The following DNAH3 variants were observed in gnomAD, a reference collection of about 807,000 sequenced individuals.
DNAH3 encodes the protein axonemal beta dynein heavy chain 3.
A neutral mutation model predicts 432.5 loss-of-function variants in DNAH3; 332 were observed. The observed-to-expected ratio is 0.77, with a 90% CI of 0.70 to 0.84. The LOEUF (loss-of-function observed/expected upper bound fraction) is 0.84. Among genes scored for constraint, DNAH3 ranks in the 40% least tolerant of loss-of-function variants. The probability of loss-of-function intolerance (pLI) is 0.00; values close to 1 mark genes in which losing one functional copy is unlikely to be tolerated. For missense variants in DNAH3, 4,861 were observed against 5,114.0 expected (o/e 0.95, Z 1.51); for synonymous variants, 1,956 against 1,900.2 (o/e 1.03, Z -0.76).
intron 7 of DNAH3, 42 bp from the exon 9 acceptor site, chr16:21,127,854 T>C: frequency 6.2e-7 from 1 of 1,612,060 alleles, no homozygotes. Context: ...TAAAGAACGC[T>C]TAATAACAAA....
chr16:20,974,030 G>A (rs997089783), intron 51 of DNAH3, among the ~76,000 whole-genome samples: 3 of 151,996 alleles, frequency 2.0e-5, no homozygotes, highest in Non-Finnish European at 4.4e-5. Context: ...CTTTTTGTTT[G>A]TTTGTTTTTG....
At chr16:21,001,971 C>T (rs1392214512) in intron 42 of DNAH3, among the ~76,000 whole-genome samples, 1 of 152,142 alleles carries the variant, frequency 6.6e-6, no homozygotes, top group Non-Finnish European at 1.5e-5. Context: ...ATCCCTGGAG[C>T]TCAAGTGACT....
At chr16:20,946,448 AC>A (rs549429657) in intron 57 of DNAH3, among the ~76,000 whole-genome samples, 319 of 152,176 alleles carry the variant, frequency 2.1e-3, no homozygotes, top group Non-Finnish European at 2.9e-3. Context: ...AGCCCTGACC[AC>A]CTGGGGCACA....
At chr16:20,944,463 T>C (rs773756664) in intron 58 of DNAH3, 33 bp downstream of exon 58, 33 of 1,611,048 alleles carry the variant, frequency 2.0e-5, no homozygotes, top group Admixed American at 1.8e-4. Context: ...GCCTGGGAAA[T>C]AGGATTAAGC....
At chr16:20,936,561 T>A (rs1357406054) in intron 60 of DNAH3, 88 bp downstream of exon 60, 1 of 1,201,864 alleles carries the variant, frequency 8.3e-7, no homozygotes, top group Non-Finnish European at 1.2e-6. Context: ...CCTGCCCTCC[T>A]CCCCCTGCCT....
intron 46 of DNAH3, 103 bp downstream of exon 46, chr16:20,987,590 G>A (rs1355918874): frequency 1.4e-5 from 21 of 1,533,358 alleles, no homozygotes; most frequent in Non-Finnish European, 1.8e-5. Context: ...GCCTAGCATA[G>A]ACTAAGTGCC....
At chr16:20,983,696 G>A (rs1196032964) in intron 48 of DNAH3, among the ~76,000 whole-genome samples, 2 of 151,920 alleles carry the variant, frequency 1.3e-5, no homozygotes, top group Non-Finnish European at 2.9e-5. Context: ...TGATGTCTAG[G>A]TGGAAGTGAA....
Position 20,936,856 on chromosome 16 carries a change from G to C in DNAH3, c.11655-3C>G. ...TCCTCCGAACCACTTTGGTCAGCCTGCAAGAACAGAGGAGCTGGCTGAGCT... is the reference window on the plus strand; with the variant it reads ...TCCTCCGAACCACTTTGGTCAGCCTCCAAGAACAGAGGAGCTGGCTGAGCT... On this transcript the variant is annotated splice_polypyrimidine_tract_variant and splice_region_variant and intron_variant, in intron 59 of 61. Transcript: ENST00000261383. 1 of 1,607,934 alleles carries C rather than the reference G, an allele frequency of 6.2e-7. No individual in the cohort carries two copies. Among genetic ancestry groups the C allele is most frequent in the Non-Finnish European group, 8.5e-7 (1 of 1,177,302 alleles).
At chr16:21,002,374 TTCTC>T (rs1403765333) in intron 42 of DNAH3, among the ~76,000 whole-genome samples, 3 of 148,150 alleles carry the variant, frequency 2.0e-5, no homozygotes, top group Admixed American at 6.8e-5. Context: ...AAGAAAATCT[TTCTC>T]TGAGGATTCA....
intron 1 of DNAH3, 24 bp from the exon 3 acceptor site, chr16:21,146,112 A>T (rs778445139): frequency 1.3e-6 from 2 of 1,538,026 alleles, no homozygotes; most frequent in African/African-American, 1.4e-5. Context: ...GAACAAAGTC[A>T]CCCTTCAAAA....
chr16:21,105,327 T>G (rs1441336217), intron 15 of DNAH3, among the ~76,000 whole-genome samples: 1 of 152,200 alleles, frequency 6.6e-6, no homozygotes, highest in Non-Finnish European at 1.5e-5. Flanking sequence ...GTTATTAACT[T>G]TTCCTTCAGA....
chr16:21,129,650 T>C (rs936793561), intron 7 of DNAH3, among the ~76,000 whole-genome samples: 1 of 151,342 alleles, frequency 6.6e-6, no homozygotes, highest in Non-Finnish European at 1.5e-5. Context: ...GGCAGGAGAA[T>C]TGTTTGAACC....
At chr16:21,134,226 A>G (rs746881569) in intron 7 of DNAH3, 33 bp downstream of exon 8, 2 of 1,593,626 alleles carry the variant, frequency 1.3e-6, no homozygotes, top group Non-Finnish European at 1.7e-6. Flanking sequence ...TGGTCAAGAA[A>G]GGGAATGAAA....
intron 38 of DNAH3, among the ~76,000 whole-genome samples, chr16:21,026,311 A>G (rs2088553269): frequency 1.3e-5 from 2 of 152,206 alleles, no homozygotes; most frequent in South Asian, 4.1e-4. Flanking sequence ...ATGACAAATA[A>G]TATAATGCTA....
intron 7 of DNAH3, 118 bp from the exon 9 acceptor site, chr16:21,127,930 G>A: frequency 8.1e-7 from 1 of 1,232,462 alleles, no homozygotes; most frequent in Non-Finnish European, 1.2e-6. Flanking sequence ...AGAATCAAAT[G>A]AATTACAGGA....
intron 5 of DNAH3, 57 bp downstream of exon 6, chr16:21,140,479 T>G: frequency 1.3e-6 from 2 of 1,540,134 alleles, no homozygotes; most frequent in South Asian, 1.2e-5. Context: ...TTAGAATCAC[T>G]GAGATGCCGA....
At chr16:21,040,215 G>A (rs762092644) in intron 32 of DNAH3, among the ~76,000 whole-genome samples, 2 of 151,894 alleles carry the variant, frequency 1.3e-5, no homozygotes, top group African/African-American at 2.4e-5. Context: ...CTAGGTGCTG[G>A]TACACCTCAT....
rs11460795 is a variant in DNAH3 at position 21,115,388 on chromosome 16, T to TAA, written c.1814+1813_1814+1814dup. ...CACATGTAACCTAGAGCTTAAAGTG[T>TAA]AAAAAAAAAAAAAAAAGTAGAAAGA... On this transcript the variant is annotated intron_variant, in intron 12 of 61. Transcript: ENST00000261383. Among the ~76,000 whole-genome samples, 935 of 141,220 alleles carry TAA rather than the reference T, an allele frequency of 6.6e-3. 12 individuals are homozygous for TAA. Among genetic ancestry groups the TAA allele is most frequent in the Middle Eastern group, 0.014 (4 of 276 alleles). 92.6% of individuals were successfully genotyped at this position (141,220 alleles called of 152,430 possible).
intron 50 of DNAH3, among the ~76,000 whole-genome samples, chr16:20,976,224 G>A (rs1230058309): frequency 6.6e-6 from 1 of 151,696 alleles, no homozygotes; most frequent in Non-Finnish European, 1.5e-5. Flanking sequence ...TTGAGATGGA[G>A]TCTCACTCTA....
Sources: gnomAD v4.1 joint callset for allele counts (sites outside exome capture counted in the v4.1 genomes callset) on GRCh38, gnomAD v4.1.1 for gene constraint, MANE v1.5 for transcripts, NCBI Gene and HGNC (gene_info 2026-07-23, HGNC 2026-07-21) for gene names.